The following RPRD2 variants were observed in gnomAD, a reference collection of about 807,000 sequenced individuals.
The protein encoded by RPRD2 is regulation of nuclear pre-mRNA domain containing 2.
Under a neutral mutation model 104.4 loss-of-function variants are expected in RPRD2, and 12 were observed. That is an observed-to-expected ratio of 0.11 (90% CI 0.07 to 0.19). The LOEUF is 0.19. RPRD2 is among the 10% of genes least tolerant of loss of function. RPRD2 has a pLI of 1.00. For synonymous variants in RPRD2, 714 were observed against 684.9 expected (o/e 1.04, Z -0.66); for missense variants, 1,543 against 1,790.1 (o/e 0.86, Z 2.49).
intron 9 of RPRD2, 134 bp from the exon 10 acceptor site, chr1:150,464,393 T>A (rs587686363): frequency 1.6e-6 from 1 of 633,878 alleles, no homozygotes; most frequent in South Asian, 2.0e-5. Context: ...CATGTCATGT[T>A]ATGATGGACC....
At position 150,472,718 on chromosome 1, in the gene RPRD2, C is replaced by G. The variant is rs754879818; in HGVS notation, c.3770C>G (p.Pro1257Arg). Residue 1257 changes from proline (P) to arginine (R), a missense_variant, in exon 11 of 11, where the codon CCT becomes CGT. Coordinates refer to ENST00000369068, the MANE Select transcript of RPRD2 (RefSeq NM_015203.5). ...EAALAHAAPP[P>R]PPGEHSGIPF... ...GCCCTGGCCCATGCTGCCCCACCCCCTCCTCCTGGAGAGCACAGTGGAATT... is the reference window on the plus strand; with the variant it reads ...GCCCTGGCCCATGCTGCCCCACCCCGTCCTCCTGGAGAGCACAGTGGAATT... The G allele has an allele frequency of 9.3e-6, 15 of 1,613,760 alleles. No homozygotes were observed. In the East Asian group the frequency reaches 3.3e-4, roughly 36 times the overall value.
At chr1:150,401,804 C>A (rs1316832177) in intron 1 of RPRD2, among the ~76,000 whole-genome samples, 1 of 151,534 alleles carries the variant, frequency 6.6e-6, no homozygotes, top group Non-Finnish European at 1.5e-5. Flanking sequence ...CCACCACGCC[C>A]GGCTAATTTT....
chr1:150,412,535 AAG>A (rs1553887868), intron 1 of RPRD2, among the ~76,000 whole-genome samples: 4 of 152,222 alleles, frequency 2.6e-5, no homozygotes, highest in Non-Finnish European at 5.9e-5. Context: ...TTCTGACTAA[AAG>A]AGAAAACACA....
At chr1:150,411,099 T>C (rs1553887536) in intron 1 of RPRD2, among the ~76,000 whole-genome samples, 2 of 152,202 alleles carry the variant, frequency 1.3e-5, no homozygotes, top group African/African-American at 4.8e-5. Flanking sequence ...AGAATTGTGG[T>C]GAGGATGTAA....
intron 2 of RPRD2, among the ~76,000 whole-genome samples, chr1:150,431,068 A>G (rs1240640095): frequency 6.6e-6 from 1 of 152,240 alleles, no homozygotes; most frequent in Non-Finnish European, 1.5e-5. Flanking sequence ...TTATAAAACA[A>G]GCAGTTTTAA....
At chr1:150,372,547 G>A (rs1404939667) in intron 1 of RPRD2, among the ~76,000 whole-genome samples, 1 of 150,128 alleles carries the variant, frequency 6.7e-6, no homozygotes, top group Non-Finnish European at 1.5e-5. Flanking sequence ...CTAGTAAGGG[G>A]AGACAGACAG....
intron 1 of RPRD2, among the ~76,000 whole-genome samples, chr1:150,398,179 G>A (rs1662679135): frequency 1.5e-5 from 1 of 64,542 alleles, no homozygotes; most frequent in Non-Finnish European, 3.3e-5. Flanking sequence ...TAATTTTTGT[G>A]TTTTTATATT....
rs1668599171 is a variant in RPRD2, at chr1:150,471,717, T to C, written c.2769T>C (p.Pro923=). The C allele has an allele frequency of 6.2e-7, 1 of 1,613,934 alleles. No individual in the cohort carries two copies. The highest frequency in any genetic ancestry group is 8.5e-7 in the Non-Finnish European group (1 of 1,179,868). Residue 923 remains proline, a synonymous_variant, in exon 11 of 11, where the codon CCT becomes CCC. Transcript: ENST00000369068. The surrounding 1 kb of genome is among the most constrained non-coding windows in gnomAD (Gnocchi z 5.3). ...FGAFSVRGNE[P]GSDRSPSPSK... is the part of the protein sequence containing the mutation. ...CCTTCAGCGTAAGAGGGAATGAACC[T>C]GGGTCTGACCGGTCACCATCACCGA...
chr1:150,461,664 G>A (rs375111185), intron 9 of RPRD2, among the ~76,000 whole-genome samples: 239 of 151,940 alleles, frequency 1.6e-3, no homozygotes, highest in Middle Eastern at 0.01. Context: ...ACAACATGGC[G>A]AAACCCCATC....
chr1:150,443,424 C>T (rs1322247597), intron 5 of RPRD2, 141 bp downstream of exon 5: 1 of 542,626 alleles, frequency 1.8e-6, no homozygotes, highest in South Asian at 3.4e-5. Context: ...TCTAAAGGAA[C>T]CCAGATTGGG....
intron 9 of RPRD2, among the ~76,000 whole-genome samples, chr1:150,464,141 C>G (rs1560224192): frequency 6.6e-6 from 1 of 152,096 alleles, no homozygotes; most frequent in Non-Finnish European, 1.5e-5. Context: ...TCCCGAGTAG[C>G]TGGGATTACA....
Position 150,470,574 on chromosome 1 carries a change from A to C in RPRD2, c.1626A>C (p.Leu542Phe). ...TTGTTTCTACAGGCCTGTCATCTTTACTTCAGAGTGTTACTGGGAACCCAG... is the reference window on the plus strand; with the variant it reads ...TTGTTTCTACAGGCCTGTCATCTTTCCTTCAGAGTGTTACTGGGAACCCAG... ...SAPALQGLSS[L>F]LQSVTGNPVP... Residue 542 changes from leucine (L) to phenylalanine (F), a missense_variant, in exon 11 of 11, where the codon TTA becomes TTC. Physicochemically the swap from Leu to Phe is conservative, Grantham distance 22. Around this residue, in one of 4 missense-constraint regions of RPRD2, gnomAD observed 572 missense variants for 787.3 expected, o/e 0.73. Coordinates refer to ENST00000369068, the MANE Select transcript of RPRD2 (RefSeq NM_015203.5). 1 of 1,613,374 alleles carries C rather than the reference A, an allele frequency of 6.2e-7. No individual in the cohort carries two copies. The highest frequency in any genetic ancestry group is 1.6e-4 in the Middle Eastern group (1 of 6,062).
In RPRD2 at chr1:150,475,289, G is replaced by A. The variant is rs1668836865; in HGVS notation, c.*1955G>A. On this transcript the variant is annotated 3_prime_UTR_variant, in exon 11 of 11. Transcript: ENST00000369068. ...GAAATGATATTTGACTTTCAAAATT[G>A]AAATAGGTTTTTTTTTTGCAGAAAT... 1 of 151,770 alleles carries A rather than the reference G, an allele frequency of 6.6e-6. No individual in the cohort carries two copies. Among genetic ancestry groups the A allele is most frequent in the African/African-American group, 2.4e-5 (1 of 41,374 alleles). 9.4% of individuals were successfully genotyped at this position (151,770 alleles called of 1,614,324 possible).
At chr1:150,418,815 C>A (rs1664557519) in intron 2 of RPRD2, among the ~76,000 whole-genome samples, 1 of 152,064 alleles carries the variant, frequency 6.6e-6, no homozygotes, top group South Asian at 2.1e-4. Flanking sequence ...GAGATCAAGA[C>A]CATCAAGAGA....
intron 7 of RPRD2, among the ~76,000 whole-genome samples, chr1:150,452,083 A>G (rs1667217581): frequency 6.7e-6 from 1 of 149,466 alleles, no homozygotes; most frequent in African/African-American, 2.5e-5. Context: ...CAGAGGTTGC[A>G]GTGAGCCGAG....
At chr1:150,457,618 C>G in intron 8 of RPRD2, 48 bp downstream of exon 8, 1 of 1,539,632 alleles carries the variant, frequency 6.5e-7, no homozygotes, top group Non-Finnish European at 8.9e-7. Context: ...ATCTGTTTTG[C>G]CTTCTCAGCA....
intron 1 of RPRD2, among the ~76,000 whole-genome samples, chr1:150,402,795 C>T (rs1216081314): frequency 1.3e-5 from 2 of 152,112 alleles, no homozygotes; most frequent in South Asian, 2.1e-4. Context: ...GGAGAAACCC[C>T]GTCTCTACTA....
intron 1 of RPRD2, among the ~76,000 whole-genome samples, chr1:150,411,816 A>AC (rs1663950338): frequency 7.4e-6 from 1 of 135,028 alleles, no homozygotes; most frequent in African/African-American, 2.8e-5. Context: ...AAAAAAAAAA[A>AC]CGAAACAAAC....
intron 6 of RPRD2, 23 bp downstream of exon 6, chr1:150,444,400 G>GT (rs1553895190): frequency 3.1e-6 from 5 of 1,603,894 alleles, no homozygotes; most frequent in Non-Finnish European, 4.3e-6. Flanking sequence ...TCCTTTTAGA[G>GT]TAAGTCAGAT....
Sources: gnomAD v4.1 joint callset for allele counts (sites outside exome capture counted in the v4.1 genomes callset) on GRCh38, gnomAD v4.1.1 for gene constraint, gnomAD v4.1.1 regional missense constraint, Gnocchi (gnomAD v3.1) non-coding constraint, MANE v1.5 for transcripts, NCBI Gene and HGNC (gene_info 2026-07-23, HGNC 2026-07-21) for gene names.